The following OXR1 variants were observed in gnomAD, a reference collection of about 807,000 sequenced individuals.
The protein encoded by OXR1 is oxidation resistance protein 1.
OXR1 carries 41 observed loss-of-function variants against 104.6 expected under a neutral mutation model. That is an observed-to-expected ratio of 0.39 (90% CI 0.31 to 0.51). The LOEUF (loss-of-function observed/expected upper bound fraction) is 0.51, where lower values mean the gene tolerates loss of function less well. Among genes scored for constraint, OXR1 ranks in the 20% least tolerant of loss-of-function variants. OXR1 has a pLI of 0.77. For missense variants in OXR1, 955 were observed against 1,031.9 expected, an observed-to-expected ratio of 0.93 and a Z score of 1.02; for synonymous variants, 348 against 348.4, an observed-to-expected ratio of 1.00 and a Z score of 0.01.
chr8:106,308,740 T>C (rs2130122100), intron 1 of OXR1, among the ~76,000 whole-genome samples: 1 of 151,716 alleles, frequency 6.6e-6, no homozygotes, highest in South Asian at 2.1e-4. Context: ...ACATTCTCTC[T>C]TGCATAAACT....
intron 3 of OXR1, among the ~76,000 whole-genome samples, chr8:106,566,891 C>G (rs1817115634): frequency 6.6e-6 from 1 of 152,130 alleles, no homozygotes; most frequent in Non-Finnish European, 1.5e-5. Context: ...CGCATGTTCT[C>G]ACTCATAAGT....
At chr8:106,662,839 G>GGTT (rs1554614551) in intron 3 of OXR1, among the ~76,000 whole-genome samples, 68 of 149,114 alleles carry the variant, frequency 4.6e-4, no homozygotes, top group Non-Finnish European at 8.2e-4. Context: ...TCAGTAAATG[G>GGTT]GATGATGATG....
At chr8:106,503,245 G>A (rs918418251) in intron 2 of OXR1, among the ~76,000 whole-genome samples, 3 of 151,986 alleles carry the variant, frequency 2.0e-5, no homozygotes, top group Admixed American at 6.6e-5. Flanking sequence ...AATAATGACC[G>A]TAAGAAATGT....
At chr8:106,616,330 G>A (rs1821240250) in intron 3 of OXR1, among the ~76,000 whole-genome samples, 1 of 149,806 alleles carries the variant, frequency 6.7e-6, no homozygotes, top group Non-Finnish European at 1.5e-5. Context: ...CAAAGTGCTG[G>A]GATTACAGGT....
chr8:106,421,142 C>T (rs1253737190), intron 2 of OXR1, among the ~76,000 whole-genome samples: 2 of 151,864 alleles, frequency 1.3e-5, no homozygotes, highest in African/African-American at 4.8e-5. Flanking sequence ...TATTTAATAC[C>T]ACTGCCAAAT....
At chr8:106,579,346 C>A (rs1818078357) in intron 3 of OXR1, among the ~76,000 whole-genome samples, 2 of 152,194 alleles carry the variant, frequency 1.3e-5, no homozygotes, top group Admixed American at 1.3e-4. Context: ...CCTGTGTGTC[C>A]TTTCATCTTA....
intron 2 of OXR1, among the ~76,000 whole-genome samples, chr8:106,485,257 A>G (rs1229041111): frequency 2.0e-5 from 3 of 152,136 alleles, no homozygotes; most frequent in Non-Finnish European, 4.4e-5. Flanking sequence ...ACATCACTAT[A>G]CATTCTTCCA....
intron 11 of OXR1, among the ~76,000 whole-genome samples, chr8:106,723,956 A>T (rs1833088817): frequency 1.4e-5 from 2 of 142,914 alleles, no homozygotes; most frequent in African/African-American, 5.1e-5. Flanking sequence ...CATCCAGCTA[A>T]TTTTTTTTTT....
At chr8:106,614,736 A>G (rs1049016466) in intron 3 of OXR1, among the ~76,000 whole-genome samples, 7 of 152,244 alleles carry the variant, frequency 4.6e-5, no homozygotes, top group African/African-American at 1.7e-4. Flanking sequence ...TATCTTATAG[A>G]TATGACATAT....
intron 9 of OXR1, among the ~76,000 whole-genome samples, chr8:106,709,818 T>C (rs1410658876): frequency 6.6e-6 from 1 of 152,150 alleles, no homozygotes; most frequent in East Asian, 1.9e-4. Flanking sequence ...ATGTAATAAA[T>C]ATAAAAGTGT....
intron 3 of OXR1, among the ~76,000 whole-genome samples, chr8:106,632,603 A>G (rs930218663): frequency 6.6e-6 from 1 of 152,152 alleles, no homozygotes; most frequent in Non-Finnish European, 1.5e-5. Context: ...AACACTTTAT[A>G]TACCTCTTTT....
At chr8:106,505,328 TATTA>T (rs1175826334) in intron 2 of OXR1, among the ~76,000 whole-genome samples, 1 of 152,242 alleles carries the variant, frequency 6.6e-6, no homozygotes, top group Non-Finnish European at 1.5e-5. Context: ...TTCACTCATT[TATTA>T]ATTCATATAG....
At chr8:106,405,182 A>AG (rs1818179282) in intron 2 of OXR1, among the ~76,000 whole-genome samples, 245 of 15,766 alleles carry the variant, frequency 0.016, no homozygotes, top group Admixed American at 0.02. Context: ...ATATATATAT[A>AG]TATATATATA....
chr8:106,439,482 G>C (rs1321721852), intron 2 of OXR1, among the ~76,000 whole-genome samples: 1 of 152,012 alleles, frequency 6.6e-6, no homozygotes, highest in African/African-American at 2.4e-5. Context: ...AGTTGTTTTA[G>C]TTTAAAATTT....
At chr8:106,634,550 T>C (rs762202321) in intron 3 of OXR1, among the ~76,000 whole-genome samples, 1 of 152,182 alleles carries the variant, frequency 6.6e-6, no homozygotes, top group Non-Finnish European at 1.5e-5. Context: ...AGTGGACTAA[T>C]AGAAATATGA....
At chr8:106,586,600 G>C (rs1322197780) in intron 3 of OXR1, among the ~76,000 whole-genome samples, 1 of 152,168 alleles carries the variant, frequency 6.6e-6, no homozygotes. Context: ...TCAATACATG[G>C]GTGATAGCAA....
At chr8:106,472,676 T>C (rs994791414) in intron 2 of OXR1, among the ~76,000 whole-genome samples, 1 of 151,850 alleles carries the variant, frequency 6.6e-6, no homozygotes, top group African/African-American at 2.4e-5. Context: ...TGCAATTAAA[T>C]TACATTATTC....
intron 3 of OXR1, among the ~76,000 whole-genome samples, chr8:106,639,617 G>A (rs1198457463): frequency 6.6e-6 from 1 of 152,110 alleles, no homozygotes; most frequent in Non-Finnish European, 1.5e-5. Context: ...GGACATAGTT[G>A]GAATATTTGA....
At chr8:106,630,459 G>A (rs1389303610) in intron 3 of OXR1, among the ~76,000 whole-genome samples, 1 of 152,174 alleles carries the variant, frequency 6.6e-6, no homozygotes, top group Non-Finnish European at 1.5e-5. Flanking sequence ...TATAAGACTA[G>A]AAACTAAGTA....
Sources: gnomAD v4.1 joint callset for allele counts (sites outside exome capture counted in the v4.1 genomes callset) on GRCh38, gnomAD v4.1.1 for gene constraint, MANE v1.5 for transcripts, NCBI Gene and HGNC (gene_info 2026-07-23, HGNC 2026-07-21) for gene names.